The following SGTB variants were observed in gnomAD, a reference collection of about 807,000 sequenced individuals.
SGTB encodes small glutamine rich tetratricopeptide repeat co-chaperone beta.
SGTB carries 19 observed loss-of-function variants against 43.9 expected under a neutral mutation model. That is an observed-to-expected ratio of 0.43 (90% CI 0.30 to 0.63). The LOEUF (loss-of-function observed/expected upper bound fraction) is 0.63. Ranked by LOEUF, SGTB falls within the 30% of genes least tolerant of loss-of-function variation. SGTB has a pLI of 0.12. For synonymous variants in SGTB, 116 were observed against 117.3 expected (o/e 0.99, Z 0.07); for missense variants, 304 against 358.9 (o/e 0.85, Z 1.24).
chr5:65,718,027 G>A (rs1758184175), intron 2 of SGTB, among the ~76,000 whole-genome samples: 1 of 152,272 alleles, frequency 6.6e-6, no homozygotes, highest in Middle Eastern at 3.4e-3. Flanking sequence ...GGAGGTACTG[G>A]TTGGGTCAAA....
At chr5:65,707,427 C>CACAA (rs1757954266) in intron 4 of SGTB, among the ~76,000 whole-genome samples, 1 of 148,748 alleles carries the variant, frequency 6.7e-6, no homozygotes. Flanking sequence ...CACACACACA[C>CACAA]ACACACACAT....
intron 3 of SGTB, among the ~76,000 whole-genome samples, chr5:65,708,847 C>T (rs1757986792): frequency 6.6e-6 from 1 of 152,022 alleles, no homozygotes; most frequent in Non-Finnish European, 1.5e-5. Context: ...TCGAGACCAG[C>T]CTGGGCAATA....
At chr5:65,696,585 A>G (rs1757719395) in intron 5 of SGTB, among the ~76,000 whole-genome samples, 1 of 152,192 alleles carries the variant, frequency 6.6e-6, no homozygotes, top group African/African-American at 2.4e-5. Context: ...ATAAGGTGCT[A>G]TAGGGGATAC....
chr5:65,702,290 C>T (rs1264961392), intron 5 of SGTB, among the ~76,000 whole-genome samples: 4 of 151,982 alleles, frequency 2.6e-5, no homozygotes, highest in East Asian at 3.9e-4. Context: ...GTATGTGTCT[C>T]GGGTGGAAGT....
intron 3 of SGTB, 48 bp downstream of exon 3, chr5:65,712,913 A>T (rs1369381078): frequency 7.0e-7 from 1 of 1,432,076 alleles, no homozygotes; most frequent in East Asian, 2.3e-5. Context: ...CTATTAACAT[A>T]AAATTGTAGT....
intron 2 of SGTB, among the ~76,000 whole-genome samples, chr5:65,715,373 C>T (rs569210307): frequency 6.6e-6 from 1 of 152,340 alleles, no homozygotes; most frequent in South Asian, 2.1e-4. Context: ...AGTAATACCA[C>T]ATCCTATCTG....
intron 2 of SGTB, among the ~76,000 whole-genome samples, chr5:65,713,979 G>A (rs2150723945): frequency 6.6e-6 from 1 of 151,508 alleles, no homozygotes; most frequent in South Asian, 2.1e-4. Flanking sequence ...GCTTGAGCCT[G>A]GGAGGAGGAG....
At chr5:65,702,773 T>G (rs1425053806) in intron 5 of SGTB, among the ~76,000 whole-genome samples, 36 of 152,112 alleles carry the variant, frequency 2.4e-4, no homozygotes, top group Non-Finnish European at 3.2e-4. Flanking sequence ...ACATTCAGTC[T>G]ATAGAAGGTA....
intron 2 of SGTB, among the ~76,000 whole-genome samples, chr5:65,714,886 C>T (rs183248266): frequency 6.6e-6 from 1 of 152,228 alleles, no homozygotes; most frequent in African/African-American, 2.4e-5. Flanking sequence ...ATTTAGACTT[C>T]AAGGAATGAG....
chr5:65,716,396 G>A (rs1461209550), intron 2 of SGTB, among the ~76,000 whole-genome samples: 1 of 152,232 alleles, frequency 6.6e-6, no homozygotes, highest in Non-Finnish European at 1.5e-5. Context: ...TGGTGCCTGT[G>A]TTTGGAACAG....
chr5:65,722,257 T>TG, upstream of SGTB: 1 of 692,538 alleles, frequency 1.4e-6, no homozygotes, highest in Non-Finnish European at 2.2e-6. Flanking sequence ...AGGCAGCCAC[T>TG]GTGGCCTCTG....
chr5:65,680,407 A>T, intron 8 of SGTB, 87 bp downstream of exon 8: 2 of 1,402,190 alleles, frequency 1.4e-6, no homozygotes, highest in South Asian at 2.5e-5. Context: ...ACCACCACAA[A>T]AACTCACTTG....
Position 65,708,489 on chromosome 5 carries a change from C to T in SGTB, c.274G>A (p.Gly92Ser), listed in dbSNP as rs775825814. 1 of 1,611,910 alleles carries T rather than the reference C, an allele frequency of 6.2e-7. No individual in the cohort carries two copies. Among genetic ancestry groups the T allele is most frequent in the South Asian group, 1.1e-5 (1 of 90,564 alleles). Residue 92 changes from glycine to serine, a missense_variant and splice_region_variant, in exon 4 of 11, where the codon GGC (glycine) becomes AGC (serine). Gly to Ser is a moderately conservative substitution (Grantham distance 56). Coordinates refer to ENST00000381007, the MANE Select transcript of SGTB (RefSeq NM_019072.3). The part of the protein sequence containing the change: ...VGKADQLKDE[G>S]NNHMKEENYA... The stretch of plus-strand genomic sequence containing the variant: ...AGTCATTTTTGTATGAAATATTCAC[C>T]TTCATCTTTTAATTGGTCAGCTTTT...
At chr5:65,698,096 G>A (rs1223068691) in intron 5 of SGTB, among the ~76,000 whole-genome samples, 3 of 152,110 alleles carry the variant, frequency 2.0e-5, no homozygotes, top group Admixed American at 2.0e-4. Context: ...GACATCTGAT[G>A]GTAGCTGGGA....
intron 8 of SGTB, among the ~76,000 whole-genome samples, chr5:65,679,550 G>A (rs1312774566): frequency 1.3e-5 from 2 of 152,164 alleles, no homozygotes; most frequent in South Asian, 2.1e-4. Context: ...CCAGGAGGTG[G>A]AGGTTGCAGT....
At chr5:65,681,539 T>C (rs1346287378) in intron 6 of SGTB, among the ~76,000 whole-genome samples, 1 of 152,214 alleles carries the variant, frequency 6.6e-6, no homozygotes, top group Non-Finnish European at 1.5e-5. Flanking sequence ...TTTCTCTTTA[T>C]CGGAACCTAA....
rs1757632645 is a variant in SGTB, at chr5:65,692,515, A to T, written c.375-7043T>A. ...CATAACAAAATTTAACTTAAATTTA[A>T]TCATGAGGAAGCACCACATAAATCC... On this transcript the variant is annotated intron_variant, in intron 5 of 10. Coordinates refer to ENST00000381007, the MANE Select transcript of SGTB (RefSeq NM_019072.3). 2.6e-5 allele frequency among the ~76,000 whole-genome samples: 4 copies of T among 152,332 alleles called. No individual in the cohort carries two copies. In the South Asian group the frequency reaches 8.3e-4, roughly 32 times the overall value.
Position 65,704,340 on chromosome 5 carries a change from C to G in SGTB, c.313G>C (p.Val105Leu). The G allele has an allele frequency of 1.2e-6, 2 of 1,612,756 alleles. No homozygotes were observed. The highest frequency in any genetic ancestry group is 2.2e-5 in the South Asian group (2 of 90,882). The change falls in exon 5 of 11, where the codon GTG becomes CTG. Residue 105 changes from valine to leucine, a missense_variant. Transcript: ENST00000381007. Reference protein sequence around the residue: ...HMKEENYAAAVDCYTQAIELD... With the variant: ...HMKEENYAAALDCYTQAIELD... ...TCTATTGCCTGTGTGTAACAATCCA[C>G]TGCAGCAGCATAATTTTCTTCTTTC... is the stretch of plus-strand genomic sequence containing the variant.
intron 5 of SGTB, among the ~76,000 whole-genome samples, chr5:65,698,774 G>T (rs536090710): frequency 3.9e-5 from 6 of 152,160 alleles, no homozygotes; most frequent in African/African-American, 1.4e-4. Flanking sequence ...ACAAACATAT[G>T]AAAAAATGCT....
Sources: gnomAD v4.1 joint callset for allele counts (sites outside exome capture counted in the v4.1 genomes callset) on GRCh38, gnomAD v4.1.1 for gene constraint, MANE v1.5 for transcripts, NCBI Gene and HGNC (gene_info 2026-07-23, HGNC 2026-07-21) for gene names.